The following DNAJC8 variants were observed in gnomAD, a reference collection of about 807,000 sequenced individuals.
The protein encoded by DNAJC8 is dnaJ homolog subfamily C member 8.
A neutral mutation model predicts 43.2 loss-of-function variants in DNAJC8; 24 were observed. The observed-to-expected ratio is 0.56, with a 90% CI of 0.40 to 0.78. The LOEUF is 0.78. Among genes scored for constraint, DNAJC8 ranks in the 30% least tolerant of loss-of-function variants. DNAJC8 has a pLI of 0.00. For missense variants in DNAJC8, 207 were observed against 299.4 expected, an observed-to-expected ratio of 0.69 and a Z score of 2.28; for synonymous variants, 83 against 98.0, an observed-to-expected ratio of 0.85 and a Z score of 0.90.
chr1:28,229,570 T>C (rs1438192822), intron 1 of DNAJC8, among the ~76,000 whole-genome samples: 2 of 152,048 alleles, frequency 1.3e-5, no homozygotes, highest in African/African-American at 4.8e-5. Flanking sequence ...GGTCAGGAGA[T>C]GGAGTCCATC....
At chr1:28,225,693 A>T (rs80023066) in intron 2 of DNAJC8, among the ~76,000 whole-genome samples, 1 of 147,874 alleles carries the variant, frequency 6.8e-6, no homozygotes, top group East Asian at 1.9e-4. Flanking sequence ...CTAAAAAAAA[A>T]TTTAAATGGT....
At chr1:28,229,315 T>C (rs535797879) in intron 1 of DNAJC8, among the ~76,000 whole-genome samples, 105 of 152,272 alleles carry the variant, frequency 6.9e-4, no homozygotes, top group Non-Finnish European at 1.1e-3. Flanking sequence ...TGTTCCCAAT[T>C]ACCCAACTTG....
chr1:28,215,696 C>A (rs1016274240), intron 2 of DNAJC8, among the ~76,000 whole-genome samples: 2 of 151,892 alleles, frequency 1.3e-5, no homozygotes, highest in African/African-American at 2.4e-5. Flanking sequence ...TGCCACCACA[C>A]CTGGCTAATT....
At chr1:28,231,798 C>T (rs988410030) in intron 1 of DNAJC8, among the ~76,000 whole-genome samples, 3 of 152,016 alleles carry the variant, frequency 2.0e-5, no homozygotes, top group South Asian at 2.1e-4. Context: ...GACAGTCTCT[C>T]GCTCTGTCAC....
chr1:28,225,493 C>T (rs1472729935), intron 2 of DNAJC8, among the ~76,000 whole-genome samples: 2 of 151,004 alleles, frequency 1.3e-5, no homozygotes, highest in South Asian at 4.2e-4. Flanking sequence ...TCCACTTACA[C>T]GGGTTTCCTA....
At chr1:28,227,032 T>C (rs1230475801) in intron 2 of DNAJC8, among the ~76,000 whole-genome samples, 2 of 146,180 alleles carry the variant, frequency 1.4e-5, no homozygotes, top group Admixed American at 1.4e-4. Context: ...AGTTCATTTA[T>C]GATTAAAGAT....
chr1:28,204,900 G>A (rs1395058656), intron 7 of DNAJC8, among the ~76,000 whole-genome samples: 4 of 152,082 alleles, frequency 2.6e-5, no homozygotes, highest in South Asian at 4.1e-4. Context: ...GTGTACACCT[G>A]TAGTCCCAGC....
intron 1 of DNAJC8, among the ~76,000 whole-genome samples, chr1:28,230,891 T>C (rs1646969125): frequency 6.6e-6 from 1 of 152,238 alleles, no homozygotes; most frequent in African/African-American, 2.4e-5. Flanking sequence ...ATGGATGTGA[T>C]ATGGTCCTTA....
chr1:28,210,129 C>G (rs1646800661), intron 4 of DNAJC8, 63 bp from the exon 5 acceptor site: 2 of 1,435,684 alleles, frequency 1.4e-6, no homozygotes, highest in Non-Finnish European at 2.0e-6. Flanking sequence ...GAACTATACT[C>G]AGGCAGTGTA....
At chr1:28,224,440 T>G (rs1216793774) in intron 2 of DNAJC8, among the ~76,000 whole-genome samples, 1 of 152,004 alleles carries the variant, frequency 6.6e-6, no homozygotes, top group Admixed American at 6.6e-5. Context: ...GTTAATTTTT[T>G]TATTTTTAGT....
chr1:28,212,854 G>A (rs966084252), intron 3 of DNAJC8, among the ~76,000 whole-genome samples: 10 of 152,206 alleles, frequency 6.6e-5, no homozygotes, highest in African/African-American at 2.4e-4. Flanking sequence ...ACCTATCTCT[G>A]CCTCCGCTTC....
At chr1:28,216,153 A>G (rs1320203658) in intron 2 of DNAJC8, among the ~76,000 whole-genome samples, 11 of 152,236 alleles carry the variant, frequency 7.2e-5, no homozygotes, top group Admixed American at 5.2e-4. Flanking sequence ...GATTGAGACG[A>G]GCCTGGCCAA....
At chr1:28,213,366 G>A (rs930950481) in intron 3 of DNAJC8, among the ~76,000 whole-genome samples, 2 of 151,594 alleles carry the variant, frequency 1.3e-5, no homozygotes, top group African/African-American at 4.8e-5. Flanking sequence ...AAAGGAAAAA[G>A]CTAAATATAA....
chr1:28,213,767 T>C (rs994223692), intron 3 of DNAJC8, among the ~76,000 whole-genome samples: 1 of 152,188 alleles, frequency 6.6e-6, no homozygotes, highest in African/African-American at 2.4e-5. Context: ...CCTGTAATCA[T>C]GGCACTTTGA....
chr1:28,222,510 A>C (rs1480294653), intron 2 of DNAJC8, among the ~76,000 whole-genome samples: 2 of 150,666 alleles, frequency 1.3e-5, no homozygotes, highest in East Asian at 3.9e-4. Flanking sequence ...AAAAAAAATG[A>C]ACTGGTTAAG....
chr1:28,218,365 G>T (rs1161232369), intron 2 of DNAJC8, among the ~76,000 whole-genome samples: 1 of 151,772 alleles, frequency 6.6e-6, no homozygotes, highest in Non-Finnish European at 1.5e-5. Context: ...AAAGTGCTGG[G>T]ATTACAGGCG....
chr1:28,219,649 T>A (rs192943426), intron 2 of DNAJC8, among the ~76,000 whole-genome samples: 105 of 152,346 alleles, frequency 6.9e-4, no homozygotes, highest in Non-Finnish European at 1.2e-3. Context: ...TCTAGTTTTA[T>A]TAGAGGCTTT....
chr1:28,211,384 G>A (rs1366272143), intron 3 of DNAJC8, among the ~76,000 whole-genome samples: 4 of 152,178 alleles, frequency 2.6e-5, no homozygotes, highest in Non-Finnish European at 5.9e-5. Context: ...TGAATTTTCG[G>A]ATTAGGGATG....
At chr1:28,204,962 G>A (rs1646759217) in intron 7 of DNAJC8, among the ~76,000 whole-genome samples, 1 of 152,190 alleles carries the variant, frequency 6.6e-6, no homozygotes. Context: ...GGTGGAGGTT[G>A]CAGTGAGCCA....
Sources: allele counts gnomAD v4.1 joint callset (sites outside exome capture counted in the v4.1 genomes callset), GRCh38; gene constraint gnomAD v4.1.1; transcripts MANE v1.5; gene names NCBI Gene and HGNC (gene_info 2026-07-23, HGNC 2026-07-21).